TSPEAR: variants seen among roughly 807,000 people sequenced by gnomAD.
TSPEAR encodes thrombospondin type laminin G domain and EAR repeats, also known as thrombospondin-type laminin G domain and EAR repeat-containing protein.
In TSPEAR, 69 loss-of-function variants were observed where a neutral mutation model predicts 71.6. The ratio of observed to expected loss-of-function variants is 0.96; its 90% CI spans 0.79 to 1.18. TSPEAR has a LOEUF of 1.18. TSPEAR is among the 50% of genes most tolerant of loss of function. The pLI is 0.00. For synonymous variants in TSPEAR, 402 were observed against 387.2 expected (o/e 1.04, Z -0.45); for missense variants, 971 against 894.9 (o/e 1.09, Z -1.09).
At chr21:44,607,423 A>G (rs1981382491) in intron 1 of TSPEAR, among the ~76,000 whole-genome samples, 1 of 152,236 alleles carries the variant, frequency 6.6e-6, no homozygotes, top group Admixed American at 6.5e-5. Flanking sequence ...AAAACATCAC[A>G]TTATACCTAG....
At chr21:44,677,113 T>C in intron 1 of TSPEAR, 1 of 715,768 alleles carries the variant, frequency 1.4e-6, no homozygotes, top group Non-Finnish European at 2.6e-6. Flanking sequence ...TTGGACCTTT[T>C]TGACCACATT....
At chr21:44,533,063 C>T (rs782214843) in intron 3 of TSPEAR, among the ~76,000 whole-genome samples, 2 of 152,268 alleles carry the variant, frequency 1.3e-5, no homozygotes, top group Non-Finnish European at 2.9e-5. Context: ...TGAGCTACTT[C>T]TGGAAAAGGA....
chr21:44,685,515 A>G (rs1456682259), intron 1 of TSPEAR, among the ~76,000 whole-genome samples: 2 of 152,030 alleles, frequency 1.3e-5, no homozygotes, highest in Non-Finnish European at 2.9e-5. Flanking sequence ...CTCCTCTGTG[A>G]TGGGTCCTCC....
At chr21:44,603,547 C>T (rs1455033725) in intron 1 of TSPEAR, among the ~76,000 whole-genome samples, 1 of 152,194 alleles carries the variant, frequency 6.6e-6, no homozygotes, top group East Asian at 1.9e-4. Flanking sequence ...GGGAAACACG[C>T]CCCCCACGCC....
intron 1 of TSPEAR, among the ~76,000 whole-genome samples, chr21:44,698,369 C>G (rs114456184): frequency 6.6e-6 from 1 of 152,198 alleles, no homozygotes; most frequent in African/African-American, 2.4e-5. Flanking sequence ...CTGGGGCCCT[C>G]GCGCCCAGTC....
intron 2 of TSPEAR, chr21:44,539,865 G>C (rs1555916965): frequency 1.3e-6 from 2 of 1,577,998 alleles, no homozygotes; most frequent in South Asian, 2.3e-5. Flanking sequence ...CAGGCCTGCT[G>C]GCAGGGGGAG....
chr21:44,547,924 T>A (rs781833469), intron 2 of TSPEAR, among the ~76,000 whole-genome samples: 1 of 152,214 alleles, frequency 6.6e-6, no homozygotes, highest in Admixed American at 6.5e-5. Context: ...TGGGCATGCG[T>A]GGGGGCCTTC....
chr21:44,644,288 G>A (rs1004363312), intron 1 of TSPEAR, among the ~76,000 whole-genome samples: 8 of 152,288 alleles, frequency 5.3e-5, no homozygotes, highest in Admixed American at 2.6e-4. Flanking sequence ...AAGACTGTAC[G>A]TGCACTGTGT....
rs781841148 is a variant in TSPEAR at position 44,531,004 on chromosome 21, G to A, written c.633+39C>T. ...AACTGGCCTGGGGCAGTCCCATCCC[G>A]CAGCACGGGTGTTGGGAAGGCAGCC... On this transcript the variant is annotated intron_variant, in intron 4 of 11. Transcript: ENST00000323084. 2.8e-5 allele frequency: 43 copies of A among 1,535,022 alleles called. No individual in the cohort carries two copies. The Admixed American group carries it at 4.0e-4, about 14-fold the overall frequency.
chr21:44,570,792 T>C (rs1392879716), intron 1 of TSPEAR, among the ~76,000 whole-genome samples: 4 of 151,974 alleles, frequency 2.6e-5, no homozygotes, highest in African/African-American at 7.3e-5. Context: ...TGATAAACAA[T>C]ATGGAGAACA....
At chr21:44,572,737 G>A (rs1978288366) in intron 1 of TSPEAR, among the ~76,000 whole-genome samples, 1 of 151,702 alleles carries the variant, frequency 6.6e-6, no homozygotes, top group East Asian at 1.9e-4. Flanking sequence ...ACCCTATATG[G>A]AAATAGGGTC....
intron 1 of TSPEAR, among the ~76,000 whole-genome samples, chr21:44,674,445 G>C (rs868965760): frequency 6.6e-6 from 1 of 152,038 alleles, no homozygotes; most frequent in South Asian, 2.1e-4. Flanking sequence ...GGCTGGGCAC[G>C]GTGACTCATG....
At chr21:44,654,268 C>T (rs782113818) in intron 1 of TSPEAR, 1 of 1,611,960 alleles carries the variant, frequency 6.2e-7, no homozygotes. Context: ...TCATAGGAGG[C>T]CACCTGCTCA....
At chr21:44,527,640 G>C in intron 6 of TSPEAR, 122 bp from the exon 7 acceptor site, 1 of 900,264 alleles carries the variant, frequency 1.1e-6, no homozygotes, top group Non-Finnish European at 1.7e-6. Flanking sequence ...CCTCAGCCTC[G>C]GGCATCAGTT....
intron 1 of TSPEAR, among the ~76,000 whole-genome samples, chr21:44,709,209 T>C (rs145762758): frequency 3.0e-3 from 454 of 151,612 alleles, no homozygotes; most frequent in South Asian, 6.9e-3. Flanking sequence ...GGAGGTGAAG[T>C]GGGTTGCTCT....
intron 1 of TSPEAR, chr21:44,654,433 C>T: frequency 6.2e-7 from 1 of 1,614,170 alleles, no homozygotes; most frequent in African/African-American, 1.3e-5. Flanking sequence ...GCTGGGCACA[C>T]AGCAGGCTGG....
chr21:44,660,769 C>T (rs1172739132), intron 1 of TSPEAR, among the ~76,000 whole-genome samples: 3 of 150,636 alleles, frequency 2.0e-5, no homozygotes, highest in African/African-American at 7.3e-5. Flanking sequence ...GAGTTTGAGG[C>T]CAGCCTGGCC....
chr21:44,615,706 G>A (rs1982046515), intron 1 of TSPEAR, among the ~76,000 whole-genome samples: 1 of 152,082 alleles, frequency 6.6e-6, no homozygotes, highest in African/African-American at 2.4e-5. Context: ...GCTGAAGATG[G>A]CCAACTTCTA....
At chr21:44,594,944 C>T (rs1307835820) in intron 1 of TSPEAR, among the ~76,000 whole-genome samples, 3 of 151,698 alleles carry the variant, frequency 2.0e-5, no homozygotes, top group Admixed American at 6.6e-5. Context: ...GCCTCAGCCT[C>T]CCGAGTAGCT....
Sources: allele counts gnomAD v4.1 joint callset (sites outside exome capture counted in the v4.1 genomes callset), GRCh38; gene constraint gnomAD v4.1.1; transcripts MANE v1.5; gene names NCBI Gene and HGNC (gene_info 2026-07-23, HGNC 2026-07-21).